The following HS6ST3 variants were observed in gnomAD, a reference collection of about 807,000 sequenced individuals.
The protein encoded by HS6ST3 is heparan-sulfate 6-O-sulfotransferase 3.
Under a neutral mutation model 36.7 loss-of-function variants are expected in HS6ST3, and 12 were observed. That is an observed-to-expected ratio of 0.33 (90% CI 0.21 to 0.53). The LOEUF (loss-of-function observed/expected upper bound fraction) is 0.53. Ranked by LOEUF, HS6ST3 falls within the 20% of genes least tolerant of loss-of-function variation. The probability of loss-of-function intolerance (pLI) is 0.95; values close to 1 mark genes in which losing one functional copy is unlikely to be tolerated. For synonymous variants in HS6ST3, 240 were observed against 257.5 expected, an observed-to-expected ratio of 0.93 and a Z score of 0.65; for missense variants, 584 against 640.9, an observed-to-expected ratio of 0.91 and a Z score of 0.96.
rs1271325897 is a variant in HS6ST3 at position 96,541,200 on chromosome 13, T to G, written c.708-291290T>G. On this transcript the variant is annotated intron_variant, in intron 1 of 1. Coordinates refer to ENST00000376705, the MANE Select transcript of HS6ST3 (RefSeq NM_153456.4). ...GGTGCCCGCTGCCACCCCACCTGGC[T>G]AATTTTTTGTATTTTTAGTAGAGAC... Among the ~76,000 whole-genome samples the G allele has an allele frequency of 3.3e-5, 5 of 152,182 alleles. No homozygotes were observed. In the East Asian group the frequency reaches 7.7e-4, roughly 24 times the overall value.
intron 1 of HS6ST3, among the ~76,000 whole-genome samples, chr13:96,234,123 A>T (rs2054521173): frequency 6.6e-6 from 1 of 151,934 alleles, no homozygotes; most frequent in Non-Finnish European, 1.5e-5. Context: ...AAGGAAAGAA[A>T]AAGAAGCCAG....
intron 1 of HS6ST3, among the ~76,000 whole-genome samples, chr13:96,710,053 C>T (rs1173757309): frequency 6.6e-6 from 1 of 152,148 alleles, no homozygotes; most frequent in Non-Finnish European, 1.5e-5. Context: ...TCTCAGTCAC[C>T]TGGGGAGGAA....
chr13:96,370,310 A>G (rs922587464), intron 1 of HS6ST3, among the ~76,000 whole-genome samples: 2 of 152,180 alleles, frequency 1.3e-5, no homozygotes, highest in Non-Finnish European at 2.9e-5. Context: ...AACTGTTTAT[A>G]TGCAGCTTTT....
At chr13:96,375,182 T>G (rs1017392205) in intron 1 of HS6ST3, among the ~76,000 whole-genome samples, 12 of 152,092 alleles carry the variant, frequency 7.9e-5, no homozygotes, top group Admixed American at 7.9e-4. Context: ...CACTCCAGAC[T>G]TAGCCAAAAC....
intron 1 of HS6ST3, among the ~76,000 whole-genome samples, chr13:96,137,665 C>A (rs1007527952): frequency 2.0e-5 from 3 of 152,058 alleles, no homozygotes; most frequent in African/African-American, 7.2e-5. Flanking sequence ...AACTCCTGAC[C>A]CATGATCCAC....
intron 1 of HS6ST3, among the ~76,000 whole-genome samples, chr13:96,771,965 T>C (rs952548734): frequency 6.6e-6 from 1 of 152,238 alleles, no homozygotes; most frequent in Non-Finnish European, 1.5e-5. Context: ...ACAGAGTTTA[T>C]GTTTCTGGTA....
intron 1 of HS6ST3, among the ~76,000 whole-genome samples, chr13:96,768,827 C>G (rs1442890506): frequency 6.6e-6 from 1 of 151,890 alleles, no homozygotes; most frequent in East Asian, 1.9e-4. Flanking sequence ...ATCTAGGTGG[C>G]CCCTTGAGTC....
chr13:96,332,498 C>T (rs1169757711), intron 1 of HS6ST3, among the ~76,000 whole-genome samples: 1 of 152,160 alleles, frequency 6.6e-6, no homozygotes, highest in Non-Finnish European at 1.5e-5. Flanking sequence ...ATATGTGGTT[C>T]TGTCTTCTGA....
rs7333329 is a variant in HS6ST3, at chr13:96,808,645, C to G, written c.708-23845C>G. On this transcript the variant is annotated intron_variant, in intron 1 of 1. Transcript: ENST00000376705. ...GATAACCCAACCTCTTCTGACCGATCCAGCACTTGAGAAAATGCAGAAGTG... is the reference window on the plus strand; with the variant it reads ...GATAACCCAACCTCTTCTGACCGATGCAGCACTTGAGAAAATGCAGAAGTG... Among the ~76,000 whole-genome samples, 812 of 152,190 alleles carry G rather than the reference C, an allele frequency of 5.3e-3. 8 individuals are homozygous for G. Among genetic ancestry groups the G allele is most frequent in the African/African-American group, 0.018 (766 of 41,504 alleles).
At chr13:96,661,297 G>A (rs1436641763) in intron 1 of HS6ST3, among the ~76,000 whole-genome samples, 1 of 152,124 alleles carries the variant, frequency 6.6e-6, no homozygotes, top group Non-Finnish European at 1.5e-5. Context: ...TAGTAACATT[G>A]TTTTATGAAT....
chr13:96,162,153 G>T (rs946212055), intron 1 of HS6ST3, among the ~76,000 whole-genome samples: 15 of 152,152 alleles, frequency 9.9e-5, no homozygotes, highest in African/African-American at 3.6e-4. Flanking sequence ...AATTTTCCCA[G>T]AATACAGCAC....
intron 1 of HS6ST3, among the ~76,000 whole-genome samples, chr13:96,744,823 T>A (rs553115702): frequency 1.3e-5 from 2 of 152,192 alleles, no homozygotes; most frequent in East Asian, 3.9e-4. Context: ...ATGGGCAAAT[T>A]TTAAAATGGG....
intron 1 of HS6ST3, among the ~76,000 whole-genome samples, chr13:96,568,100 G>A (rs923836375): frequency 5.9e-5 from 9 of 152,168 alleles, no homozygotes; most frequent in Non-Finnish European, 1.2e-4. Flanking sequence ...TTATGACCTC[G>A]GAGTTAACAC....
chr13:96,769,699 T>C (rs1877209610), intron 1 of HS6ST3, among the ~76,000 whole-genome samples: 1 of 151,298 alleles, frequency 6.6e-6, no homozygotes, highest in Non-Finnish European at 1.5e-5. Flanking sequence ...TTTGGGGGAC[T>C]TTTCCCCTGT....
intron 1 of HS6ST3, among the ~76,000 whole-genome samples, chr13:96,483,859 C>G (rs2055901246): frequency 6.6e-6 from 1 of 152,090 alleles, no homozygotes; most frequent in African/African-American, 2.4e-5. Context: ...GTGTTATCGT[C>G]TAGAGTTTTA....
chr13:96,632,605 G>C (rs772774300), intron 1 of HS6ST3, among the ~76,000 whole-genome samples: 5 of 152,308 alleles, frequency 3.3e-5, no homozygotes, highest in Non-Finnish European at 5.9e-5. Context: ...CTACCATTAA[G>C]AGTTTAAATG....
chr13:96,217,987 A>C (rs1472354676), intron 1 of HS6ST3, among the ~76,000 whole-genome samples: 4 of 152,172 alleles, frequency 2.6e-5, no homozygotes, highest in African/African-American at 9.7e-5. Context: ...TTTAATAAGT[A>C]TTTTCTAAAT....
intron 1 of HS6ST3, among the ~76,000 whole-genome samples, chr13:96,370,266 G>A (rs938191796): frequency 4.6e-5 from 7 of 152,246 alleles, no homozygotes; most frequent in African/African-American, 1.7e-4. Flanking sequence ...GTTATTTTCT[G>A]TAGCTAAAGT....
chr13:96,411,139 A>C (rs1192064411), intron 1 of HS6ST3, among the ~76,000 whole-genome samples: 1 of 152,204 alleles, frequency 6.6e-6, no homozygotes, highest in Non-Finnish European at 1.5e-5. Context: ...ATTTAGATCA[A>C]TTTTAGGATT....
Sources: allele counts gnomAD v4.1 joint callset (sites outside exome capture counted in the v4.1 genomes callset), GRCh38; gene constraint gnomAD v4.1.1; transcripts MANE v1.5; gene names NCBI Gene and HGNC (gene_info 2026-07-23, HGNC 2026-07-21).